NIBAN1: variants seen among roughly 807,000 people sequenced by gnomAD.
NIBAN1 encodes protein Niban 1.
In NIBAN1, 81 loss-of-function variants were observed where a neutral mutation model predicts 75.1. That is an observed-to-expected ratio of 1.08 (90% confidence interval 0.90 to 1.30). The LOEUF (loss-of-function observed/expected upper bound fraction) is 1.30, where lower values mean the gene tolerates loss of function less well. Ranked by LOEUF, NIBAN1 falls within the 50% of genes most tolerant of loss-of-function variation. NIBAN1 has a pLI of 0.00. For synonymous variants in NIBAN1, 436 were observed against 424.8 expected (o/e 1.03, Z -0.32); for missense variants, 1,133 against 1,128.1 (o/e 1.00, Z -0.06).
chr1:184,904,023 A>G (rs1657023847), intron 1 of NIBAN1, among the ~76,000 whole-genome samples: 1 of 151,810 alleles, frequency 6.6e-6, no homozygotes, highest in Non-Finnish European at 1.5e-5. Context: ...CAGCCTCCCA[A>G]GTAGCTGAGA....
At position 184,818,823 on chromosome 1, in the gene NIBAN1, T is replaced by A; in HGVS notation, c.988A>T (p.Met330Leu). 1 of 1,587,130 alleles carries A rather than the reference T, an allele frequency of 6.3e-7. No homozygotes were observed. Among genetic ancestry groups the A allele is most frequent in the Non-Finnish European group, 8.6e-7 (1 of 1,162,126 alleles). ...KNYLIGKIKA[M>L]VAQPAEKSCL... Reference sequence around the variant, plus strand: ...CTTTTCTCCGCCGGCTGGGCCACCATCGCTGAGGTAGGAAATAGCCAAAAA... The same window carrying A: ...CTTTTCTCCGCCGGCTGGGCCACCAACGCTGAGGTAGGAAATAGCCAAAAA... Residue 330 changes from methionine (M) to leucine (L), a missense_variant and splice_region_variant, in exon 9 of 14, where the codon ATG becomes TTG. Transcript: ENST00000367511.
intron 1 of NIBAN1, among the ~76,000 whole-genome samples, chr1:184,903,901 ATT>A (rs879338979): frequency 1.5e-5 from 2 of 137,872 alleles, no homozygotes; most frequent in East Asian, 2.1e-4. Context: ...CACACTTATT[ATT>A]TTTTTTTTTT....
chr1:184,883,039 T>G (rs1329013245), intron 5 of NIBAN1, among the ~76,000 whole-genome samples: 2 of 152,182 alleles, frequency 1.3e-5, no homozygotes, highest in Non-Finnish European at 2.9e-5. Flanking sequence ...TGAGTCCCCA[T>G]CAATACACAG....
At chr1:184,892,283 C>T (rs549958629) in intron 3 of NIBAN1, among the ~76,000 whole-genome samples, 35 of 152,216 alleles carry the variant, frequency 2.3e-4, no homozygotes, top group Admixed American at 1.2e-3. Flanking sequence ...AAAGAAATCA[C>T]GCAGATCTCA....
In NIBAN1 at chr1:184,808,147, T is replaced by G; in HGVS notation, c.1262A>C (p.Gln421Pro). The G allele has an allele frequency of 6.2e-7, 1 of 1,614,100 alleles. No homozygotes were observed. Among genetic ancestry groups the G allele is most frequent in the Non-Finnish European group, 8.5e-7 (1 of 1,179,978 alleles). ...TKVNLLHERL[Q>P]DLKSRFRFPH... ...GAATCTGAAGCGGCTCTTGAGATCC[T>G]GCAGGCGCTCGTGAAGCAGGTTGAC... Residue 421 changes from glutamine (Q) to proline (P), a missense_variant, in exon 10 of 14, where the codon CAG (glutamine) becomes CCG (proline). Coordinates refer to ENST00000367511, the MANE Select transcript of NIBAN1 (RefSeq NM_052966.4).
intron 4 of NIBAN1, 144 bp from the exon 5 acceptor site, chr1:184,884,944 G>A: frequency 9.4e-7 from 1 of 1,061,818 alleles, no homozygotes; most frequent in South Asian, 1.7e-5. Context: ...AGGGAAACTG[G>A]GAGCACTGGC....
At chr1:184,902,590 T>C (rs111707436) in intron 1 of NIBAN1, among the ~76,000 whole-genome samples, 1 of 152,160 alleles carries the variant, frequency 6.6e-6, no homozygotes, top group African/African-American at 2.4e-5. Flanking sequence ...AGCCGGCTGT[T>C]TACTGTAACT....
At chr1:184,799,311 C>T (rs928657031) in intron 12 of NIBAN1, among the ~76,000 whole-genome samples, 6 of 149,508 alleles carry the variant, frequency 4.0e-5, no homozygotes, top group Non-Finnish European at 8.9e-5. Context: ...TTTGTTCTTG[C>T]GATAGTTTAC....
chr1:184,798,856 A>C (rs906997050), intron 12 of NIBAN1, among the ~76,000 whole-genome samples: 1 of 151,984 alleles, frequency 6.6e-6, no homozygotes, highest in African/African-American at 2.4e-5. Flanking sequence ...AAATGAAATC[A>C]TAATTATTTT....
chr1:184,914,372 C>T (rs528994633), intron 1 of NIBAN1, among the ~76,000 whole-genome samples: 8 of 152,250 alleles, frequency 5.3e-5, no homozygotes, highest in Admixed American at 3.3e-4. Context: ...GGTTATTACT[C>T]GCAGAAGCAA....
At chr1:184,803,100 A>T (rs921974931) in intron 12 of NIBAN1, among the ~76,000 whole-genome samples, 9 of 152,254 alleles carry the variant, frequency 5.9e-5, no homozygotes, top group Non-Finnish European at 7.3e-5. Flanking sequence ...TGATTTCATT[A>T]AACAACATTG....
At chr1:184,853,241 T>C (rs1272326602) in intron 5 of NIBAN1, among the ~76,000 whole-genome samples, 1 of 152,224 alleles carries the variant, frequency 6.6e-6, no homozygotes, top group Non-Finnish European at 1.5e-5. Context: ...TTTCGGGTGT[T>C]TATTTGAATA....
chr1:184,928,773 G>A (rs925654204), intron 1 of NIBAN1, among the ~76,000 whole-genome samples: 5 of 152,168 alleles, frequency 3.3e-5, no homozygotes, highest in Admixed American at 6.5e-5. Flanking sequence ...TCAGTGATAG[G>A]AAGTTAAAAC....
Position 184,807,862 on chromosome 1 carries a change from T to C in NIBAN1, c.1335+212A>G, listed in dbSNP as rs1654249499. 3 of 543,292 alleles carry C rather than the reference T, an allele frequency of 5.5e-6. No homozygotes were observed. The Admixed American group carries it at 9.2e-5, about 17-fold the overall frequency. The allele number at this position is 543,292 out of a possible 1,614,324, so 33.7% of individuals were successfully genotyped here. On this transcript the variant is annotated intron_variant, in intron 10 of 13. Coordinates refer to ENST00000367511, the MANE Select transcript of NIBAN1 (RefSeq NM_052966.4). The stretch of plus-strand genomic sequence containing the variant: ...GTAGTTATCAATTAATGCTACTTTA[T>C]TTTTCTGAGCTATGTCTTGTCTATG...
chr1:184,914,500 G>A (rs1312548660), intron 1 of NIBAN1, among the ~76,000 whole-genome samples: 1 of 152,100 alleles, frequency 6.6e-6, no homozygotes, highest in Non-Finnish European at 1.5e-5. Flanking sequence ...TGGTAACATG[G>A]GGCTACTGAA....
intron 5 of NIBAN1, among the ~76,000 whole-genome samples, chr1:184,861,996 A>G (rs747960511): frequency 1.3e-5 from 2 of 152,218 alleles, no homozygotes; most frequent in Non-Finnish European, 2.9e-5. Context: ...CAAATTTTCT[A>G]TCCTTTTCTC....
chr1:184,819,012 C>T (rs759084720), intron 8 of NIBAN1, among the ~76,000 whole-genome samples, 187 bp from the exon 9 acceptor site: 2 of 152,118 alleles, frequency 1.3e-5, no homozygotes, highest in African/African-American at 2.4e-5. Flanking sequence ...ACCACTGGAC[C>T]CTTTCAGAAC....
In NIBAN1 at chr1:184,795,296, G is replaced by C. The variant is rs759094624; in HGVS notation, c.2468C>G (p.Thr823Ser). ...GELPGEACTL[T>S]AHEGRGGKCT... is the part of the protein sequence containing the mutation. ...CTTGCCCCCTCTTCCTTCATGGGCAGTGAGTGTGCAGGCCTCTCCTGGGAG... is the reference window on the plus strand; with the variant it reads ...CTTGCCCCCTCTTCCTTCATGGGCACTGAGTGTGCAGGCCTCTCCTGGGAG... The change falls in exon 14 of 14, where the codon ACT (threonine) becomes AGT (serine). Residue 823 changes from threonine (T) to serine (S), a missense_variant. By Grantham distance (58) the Thr-to-Ser change is moderately conservative. Coordinates refer to ENST00000367511, the MANE Select transcript of NIBAN1 (RefSeq NM_052966.4). 1 of 1,612,620 alleles carries C rather than the reference G, an allele frequency of 6.2e-7. No individual in the cohort carries two copies. Among genetic ancestry groups the C allele is most frequent in the Non-Finnish European group, 8.5e-7 (1 of 1,180,008 alleles).
chr1:184,807,027 C>T (rs1654219883), intron 10 of NIBAN1, among the ~76,000 whole-genome samples: 1 of 152,164 alleles, frequency 6.6e-6, no homozygotes. Flanking sequence ...GCCTCGGTCT[C>T]CCAAAATGCT....
Sources: allele counts gnomAD v4.1 joint callset (sites outside exome capture counted in the v4.1 genomes callset), GRCh38; gene constraint gnomAD v4.1.1; transcripts MANE v1.5; gene names NCBI Gene and HGNC (gene_info 2026-07-23, HGNC 2026-07-21).